NUP205: variants seen among roughly 807,000 people sequenced by gnomAD.
The protein encoded by NUP205 is nucleoporin 205.
Under a neutral mutation model 253.8 loss-of-function variants are expected in NUP205, and 76 were observed. The observed-to-expected ratio is 0.30, with a 90% CI of 0.25 to 0.36. NUP205 has a LOEUF of 0.36. Among genes scored for constraint, NUP205 ranks in the 10% least tolerant of loss-of-function variants. NUP205 has a pLI of 1.00. For synonymous variants in NUP205, 832 were observed against 850.1 expected, an observed-to-expected ratio of 0.98 and a Z score of 0.37; for missense variants, 2,162 against 2,425.5, an observed-to-expected ratio of 0.89 and a Z score of 2.28.
chr7:135,637,201 T>C (rs1047026950), intron 36 of NUP205, among the ~76,000 whole-genome samples: 1 of 152,234 alleles, frequency 6.6e-6, no homozygotes, highest in African/African-American at 2.4e-5. Flanking sequence ...AGCCATCTTA[T>C]AAGATAGGAA....
At chr7:135,595,217 T>A (rs1201752986) in intron 13 of NUP205, among the ~76,000 whole-genome samples, 1 of 151,972 alleles carries the variant, frequency 6.6e-6, no homozygotes, top group African/African-American at 2.4e-5. Flanking sequence ...AAGTTTGCAC[T>A]GATTTTTGTT....
Position 135,619,856 on chromosome 7 carries a change from A to G in NUP205, c.4298A>G (p.Gln1433Arg), listed in dbSNP as rs781035396. ...GSLLYYLQIAQRPDEPDTLEA... is the reference protein window; with the variant it reads ...GSLLYYLQIARRPDEPDTLEA... ...CTGCTTTATTACTTACAGATTGCCC[A>G]GAGACCTGATGAACCAGACACCTTA... Residue 1433 changes from glutamine to arginine, a missense_variant, in exon 30 of 43, where the codon CAG becomes CGG. Coordinates refer to ENST00000285968, the MANE Select transcript of NUP205 (RefSeq NM_015135.3). 18 of 1,613,670 alleles carry G rather than the reference A, an allele frequency of 1.1e-5. No homozygotes were observed. The highest frequency in any genetic ancestry group is 1.5e-5 in the Non-Finnish European group (18 of 1,179,620).
At chr7:135,560,242 T>A (rs891832111) in intron 1 of NUP205, among the ~76,000 whole-genome samples, 1 of 151,914 alleles carries the variant, frequency 6.6e-6, no homozygotes, top group Non-Finnish European at 1.5e-5. Context: ...GTGATCCGCC[T>A]ACCTCGGCAT....
chr7:135,616,706 A>G lies in NUP205; in HGVS notation c.3512A>G (p.His1171Arg), dbSNP rs1439476704. 1.3e-6 allele frequency: 2 copies of G among 1,567,108 alleles called. No individual in the cohort carries two copies. Among genetic ancestry groups the G allele is most frequent in the Non-Finnish European group, 1.7e-6 (2 of 1,160,298 alleles). The change falls in exon 25 of 43, where the codon CAC (histidine) becomes CGC (arginine). Residue 1171 changes from histidine to arginine, a missense_variant. His to Arg is a conservative substitution (Grantham distance 29, BLOSUM62 0). Coordinates refer to ENST00000285968, the MANE Select transcript of NUP205 (RefSeq NM_015135.3). The stretch of plus-strand genomic sequence containing the variant: ...AACAGGTCTGTTTCTGGGTTCCTTC[A>G]CTTTGACACTGCTACAAAAGGTAAT... Reference protein sequence around the residue: ...DENRSVSGFLHFDTATKVRRK... With the variant: ...DENRSVSGFLRFDTATKVRRK...
chr7:135,610,960 C>A (rs182704051), intron 22 of NUP205, among the ~76,000 whole-genome samples: 8 of 151,108 alleles, frequency 5.3e-5, no homozygotes, highest in African/African-American at 1.9e-4. Context: ...AATAAAATGG[C>A]TTTCAGTGCT....
At chr7:135,643,145 GA>G (rs1163030571) in intron 38 of NUP205, 46 bp from the exon 39 acceptor site, 1 of 1,546,652 alleles carries the variant, frequency 6.5e-7, no homozygotes, top group East Asian at 2.3e-5. Context: ...AAATTCATAT[GA>G]AATGCTTATA....
intron 1 of NUP205, among the ~76,000 whole-genome samples, chr7:135,566,041 T>A (rs1805747470): frequency 6.6e-6 from 1 of 152,218 alleles, no homozygotes; most frequent in African/African-American, 2.4e-5. Flanking sequence ...GATTATTCTC[T>A]AATCAAATTC....
At chr7:135,578,698 G>C in intron 6 of NUP205, 53 bp from the exon 7 acceptor site, 1 of 1,319,774 alleles carries the variant, frequency 7.6e-7, no homozygotes, top group Non-Finnish European at 1.1e-6. Flanking sequence ...CTGTGTATCA[G>C]AAGTGAGAAT....
intron 1 of NUP205, among the ~76,000 whole-genome samples, chr7:135,568,785 T>G (rs900904157): frequency 6.6e-6 from 1 of 152,234 alleles, no homozygotes; most frequent in African/African-American, 2.4e-5. Context: ...TCTTTCATGC[T>G]TTCACACCTG....
intron 31 of NUP205, 105 bp from the exon 32 acceptor site, chr7:135,625,059 A>G: frequency 2.1e-6 from 2 of 970,652 alleles, no homozygotes; most frequent in Non-Finnish European, 3.1e-6. Context: ...TCTCTTTATG[A>G]AAAACATTCT....
chr7:135,619,536 C>T lies in NUP205; in HGVS notation c.4077C>T (p.Val1359=), dbSNP rs1370447581. The change falls in exon 29 of 43, where the codon GTC becomes GTT. Residue 1359 remains valine, a synonymous_variant. Transcript: ENST00000285968. ...AVLTEQKETS[V]LGPAEAHYAF... ...TCACTGAACAGAAGGAAACATCAGT[C>T]TTGGGACCAGCAGAGGCCCATTACG... is the stretch of plus-strand genomic sequence containing the variant. The T allele has an allele frequency of 6.2e-7, 1 of 1,614,136 alleles. No homozygotes were observed. The highest frequency in any genetic ancestry group is 8.5e-7 in the Non-Finnish European group (1 of 1,180,018).
In NUP205 at chr7:135,587,863, G is replaced by T; in HGVS notation, c.1344G>T (p.Glu448Asp). The change falls in exon 10 of 43, where the codon GAG (glutamate) becomes GAT (aspartate). Residue 448 changes from glutamate (E) to aspartate (D), a missense_variant. By Grantham distance (45) the Glu-to-Asp change is conservative. Transcript: ENST00000285968. ...TTGCTTACTCTTTGCAGATTGGCGA[G>T]CTATATAAAAAGAACCCTTTTCATC... The part of the protein sequence containing the change: ...DLEHLMLLIG[E>D]LYKKNPFHLE... 6 of 1,611,806 alleles carry T rather than the reference G, an allele frequency of 3.7e-6. No homozygotes were observed. The highest frequency in any genetic ancestry group is 5.1e-6 in the Non-Finnish European group (6 of 1,179,174).
At chr7:135,604,515 A>G in intron 19 of NUP205, 55 bp downstream of exon 19, 2 of 1,522,880 alleles carry the variant, frequency 1.3e-6, no homozygotes, top group African/African-American at 1.4e-5. Context: ...TTTTGACTAT[A>G]TATGGAAGTT....
chr7:135,574,406 C>T (rs1007196188), intron 3 of NUP205, among the ~76,000 whole-genome samples: 2 of 152,022 alleles, frequency 1.3e-5, no homozygotes, highest in African/African-American at 4.8e-5. Flanking sequence ...TAGTGCAACT[C>T]TAAGTAGGAT....
chr7:135,570,552 G>C (rs572928336), intron 1 of NUP205, among the ~76,000 whole-genome samples: 34 of 150,024 alleles, frequency 2.3e-4, no homozygotes, highest in Non-Finnish European at 4.0e-4. Context: ...CAGATAAAGT[G>C]ATGTGTTTAT....
chr7:135,646,597 C>CAATA (rs955087520), intron 42 of NUP205, among the ~76,000 whole-genome samples: 30 of 151,854 alleles, frequency 2.0e-4, no homozygotes, highest in East Asian at 3.9e-4. Flanking sequence ...ACCTTGTCTC[C>CAATA]AATAAATAAA....
At position 135,630,663 on chromosome 7, in the gene NUP205, C is replaced by T. The variant is rs564682947; in HGVS notation, c.5059+193C>T. 3.3e-5 allele frequency among the ~76,000 whole-genome samples: 5 copies of T among 152,176 alleles called. No individual in the cohort carries two copies. The South Asian group carries it at 1.0e-3, about 32-fold the overall frequency. Reference sequence around the variant, plus strand: ...GCTTGGCTGGGTGTGGTGGCTCATGCCTGTGATCTCATCACTTTGAAAGGC... The same window carrying T: ...GCTTGGCTGGGTGTGGTGGCTCATGTCTGTGATCTCATCACTTTGAAAGGC... On this transcript the variant is annotated intron_variant, in intron 35 of 42. Transcript: ENST00000285968.
chr7:135,572,847 G>C (rs73158981), intron 2 of NUP205, among the ~76,000 whole-genome samples: 9 of 151,952 alleles, frequency 5.9e-5, no homozygotes, highest in Non-Finnish European at 1.2e-4. Flanking sequence ...GACCCACCAC[G>C]CCCAGTCTGG....
chr7:135,644,669 A>G (rs1470894856), intron 39 of NUP205, among the ~76,000 whole-genome samples: 1 of 152,332 alleles, frequency 6.6e-6, no homozygotes, highest in East Asian at 1.9e-4. Flanking sequence ...TGTTTCAGGG[A>G]CAGACTTTTT....
Sources: allele counts gnomAD v4.1 joint callset (sites outside exome capture counted in the v4.1 genomes callset), GRCh38; gene constraint gnomAD v4.1.1; transcripts MANE v1.5; gene names NCBI Gene and HGNC (gene_info 2026-07-23, HGNC 2026-07-21).